Variants in LRRC4C observed in about 807,000 individuals in gnomAD.
LRRC4C encodes the protein leucine-rich repeat-containing protein 4C.
Under a neutral mutation model 33.6 loss-of-function variants are expected in LRRC4C, and 5 were observed. The ratio of observed to expected loss-of-function variants is 0.15; its 90% confidence interval spans 0.08 to 0.31. The LOEUF (loss-of-function observed/expected upper bound fraction) is 0.31, where lower values mean the gene tolerates loss of function less well. Among genes scored for constraint, LRRC4C ranks in the 10% least tolerant of loss-of-function variants. LRRC4C has a pLI of 1.00. For missense variants in LRRC4C, 560 were observed against 796.7 expected (o/e 0.70, Z 3.58); for synonymous variants, 329 against 302.0 (o/e 1.09, Z -0.93).
chr11:41,021,233 T>A (rs60202061), intron 1 of LRRC4C, among the ~76,000 whole-genome samples: 1 of 106,542 alleles, frequency 9.4e-6, no homozygotes, highest in Non-Finnish European at 1.9e-5. Flanking sequence ...GTGTGTGTGT[T>A]TAAGAAAATT....
chr11:40,898,083 G>A (rs1034335623), intron 2 of LRRC4C, among the ~76,000 whole-genome samples: 10 of 152,108 alleles, frequency 6.6e-5, no homozygotes, highest in Middle Eastern at 3.4e-3. Context: ...GGCTGGGTGC[G>A]GTGGCTTACG....
rs71466923 is a variant in LRRC4C at position 41,163,284 on chromosome 11, G to GTTTTTTTTTTTTTTTTTTTTTTT, written c.-495-229562_-495-229561insAAAAAAAAAAAAAAAAAAAAAAA. ...GTAATAAACTTAGTTTACTGTAACT[G>GTTTTTTTTTTTTTTTTTTTTTTT]TTTTTTTTTTTTTTTTTCAAACAGG... On this transcript the variant is annotated intron_variant, in intron 1 of 6. Transcript: ENST00000528697. Among the ~76,000 whole-genome samples the GTTTTTTTTTTTTTTTTTTTTTTT allele has an allele frequency of 1.5e-4, 11 of 73,382 alleles. 4 individuals are homozygous for GTTTTTTTTTTTTTTTTTTTTTTT. Among genetic ancestry groups the GTTTTTTTTTTTTTTTTTTTTTTT allele is most frequent in the African/African-American group, 4.5e-4 (9 of 19,856 alleles). The allele number at this position is 73,382 out of a possible 152,430, so 48.1% of individuals were successfully genotyped here.
chr11:40,834,909 CAG>C (rs374027893), intron 2 of LRRC4C, among the ~76,000 whole-genome samples: 1,612 of 114,898 alleles, frequency 0.014, 13 homozygotes, highest in African/African-American at 0.032. Context: ...GACAGACAGA[CAG>C]ACACACACAC....
At chr11:40,676,022 A>C (rs1482397653) in intron 2 of LRRC4C, among the ~76,000 whole-genome samples, 1 of 152,202 alleles carries the variant, frequency 6.6e-6, no homozygotes, top group East Asian at 1.9e-4. Flanking sequence ...AGGAGTTACT[A>C]ACAATTTATT....
intron 3 of LRRC4C, among the ~76,000 whole-genome samples, chr11:40,545,166 A>G (rs1956864747): frequency 6.6e-6 from 1 of 152,024 alleles, no homozygotes. Flanking sequence ...TACAAATCTA[A>G]TTATTATAAT....
intron 4 of LRRC4C, among the ~76,000 whole-genome samples, chr11:40,274,647 A>G (rs1261633801): frequency 2.6e-5 from 4 of 152,142 alleles, no homozygotes; most frequent in Non-Finnish European, 5.9e-5. Context: ...TCTTCGGCAA[A>G]GACAGTCCTG....
intron 1 of LRRC4C, among the ~76,000 whole-genome samples, chr11:41,416,616 C>G (rs1047813497): frequency 2.0e-5 from 3 of 151,940 alleles, no homozygotes; most frequent in Non-Finnish European, 2.9e-5. Context: ...GGCTGGGGGA[C>G]AGTGCGTGCA....
At chr11:41,396,221 A>G (rs898025292) in intron 1 of LRRC4C, among the ~76,000 whole-genome samples, 1 of 152,016 alleles carries the variant, frequency 6.6e-6, no homozygotes, top group Non-Finnish European at 1.5e-5. Flanking sequence ...GTTAACAAGC[A>G]AATCGAAAAA....
At chr11:40,863,709 C>T (rs984355893) in intron 2 of LRRC4C, among the ~76,000 whole-genome samples, 2 of 152,178 alleles carry the variant, frequency 1.3e-5, no homozygotes, top group African/African-American at 4.8e-5. Flanking sequence ...AGCAAATACT[C>T]AGATACCAGC....
At chr11:41,006,844 G>C (rs550542382) in intron 1 of LRRC4C, among the ~76,000 whole-genome samples, 1 of 152,024 alleles carries the variant, frequency 6.6e-6, no homozygotes, top group Non-Finnish European at 1.5e-5. Context: ...TATTTTCACA[G>C]TATTTAACAT....
intron 1 of LRRC4C, among the ~76,000 whole-genome samples, chr11:41,337,339 C>T (rs902522747): frequency 1.3e-5 from 2 of 152,094 alleles, no homozygotes; most frequent in African/African-American, 4.8e-5. Context: ...AGCCACTGCA[C>T]CTGGAAAAAA....
chr11:41,096,834 C>T (rs1940839544), intron 1 of LRRC4C, among the ~76,000 whole-genome samples: 1 of 152,138 alleles, frequency 6.6e-6, no homozygotes, highest in Admixed American at 6.6e-5. Context: ...AAAGAAGAGC[C>T]ACTGAAAGAT....
chr11:40,481,060 A>G (rs1049865486), intron 3 of LRRC4C, among the ~76,000 whole-genome samples: 1 of 151,968 alleles, frequency 6.6e-6, no homozygotes, highest in Admixed American at 6.6e-5. Flanking sequence ...AATGTTTTAC[A>G]ACAGTAAAAA....
At chr11:41,301,022 T>G (rs905952773) in intron 1 of LRRC4C, among the ~76,000 whole-genome samples, 9 of 152,148 alleles carry the variant, frequency 5.9e-5, no homozygotes, top group African/African-American at 2.2e-4. Context: ...GTTTGGATAT[T>G]AAAACAAAAT....
chr11:40,179,784 T>C (rs569452109), intron 5 of LRRC4C, among the ~76,000 whole-genome samples: 2 of 152,268 alleles, frequency 1.3e-5, no homozygotes, highest in South Asian at 2.1e-4. Context: ...ACCTCATAAT[T>C]TGAAGATGAA....
Position 41,209,146 on chromosome 11 carries a change from A to G in LRRC4C, c.-496+250285T>C, listed in dbSNP as rs537212699. On this transcript the variant is annotated intron_variant, in intron 1 of 6. Transcript: ENST00000528697. The stretch of plus-strand genomic sequence containing the variant: ...TGATAATCTGTACACTAAACCGCTG[A>G]GTCACAAGTTTACCTATATAACCAA... Among the ~76,000 whole-genome samples, 7 of 151,856 alleles carry G rather than the reference A, an allele frequency of 4.6e-5. No individual in the cohort carries two copies. In the East Asian group the frequency reaches 1.2e-3, roughly 25 times the overall value.
chr11:40,503,727 G>A (rs1353177962), intron 3 of LRRC4C, among the ~76,000 whole-genome samples: 3 of 152,160 alleles, frequency 2.0e-5, no homozygotes, highest in African/African-American at 7.2e-5. Flanking sequence ...TCTTTCAAGA[G>A]TTAGGCTCAG....
chr11:40,709,895 T>G (rs1946373992), intron 2 of LRRC4C, among the ~76,000 whole-genome samples: 1 of 152,184 alleles, frequency 6.6e-6, no homozygotes, highest in South Asian at 2.1e-4. Context: ...TTCTTTTTAC[T>G]CTTTTTTCTC....
At chr11:40,660,310 C>G (rs921086757) in intron 2 of LRRC4C, among the ~76,000 whole-genome samples, 6 of 152,158 alleles carry the variant, frequency 3.9e-5, no homozygotes, top group Non-Finnish European at 7.3e-5. Context: ...GGGATCTAGG[C>G]CAGCAGCATG....
Sources: gnomAD v4.1 joint callset for allele counts (sites outside exome capture counted in the v4.1 genomes callset) on GRCh38, gnomAD v4.1.1 for gene constraint, MANE v1.5 for transcripts, NCBI Gene and HGNC (gene_info 2026-07-23, HGNC 2026-07-21) for gene names.